CADM1: variants seen among roughly 807,000 people sequenced by gnomAD.
CADM1 encodes the protein cell adhesion molecule 1, also known as TSLC-1.
In CADM1, 15 loss-of-function variants were observed where a neutral mutation model predicts 53.1. That is an observed-to-expected ratio of 0.28 (90% CI 0.19 to 0.44). The LOEUF is 0.44. Ranked by LOEUF, CADM1 falls within the 20% of genes least tolerant of loss-of-function variation. The pLI, the probability that CADM1 is intolerant of heterozygous loss-of-function variation, is 1.00. For missense variants in CADM1, 434 were observed against 611.3 expected, an observed-to-expected ratio of 0.71 and a Z score of 3.06; for synonymous variants, 281 against 243.0, an observed-to-expected ratio of 1.16 and a Z score of -1.45.
intron 1 of CADM1, among the ~76,000 whole-genome samples, chr11:115,403,970 A>G (rs1485527451): frequency 6.6e-6 from 1 of 151,982 alleles, no homozygotes; most frequent in African/African-American, 2.4e-5. Context: ...AAAAAAAAAA[A>G]GTATTTTTTT....
At chr11:115,263,456 A>G (rs944548680) in intron 1 of CADM1, among the ~76,000 whole-genome samples, 2 of 152,240 alleles carry the variant, frequency 1.3e-5, no homozygotes, top group Admixed American at 1.3e-4. Context: ...TTTAGCATCC[A>G]CTAGTGGATC....
At chr11:115,378,918 C>T (rs1342381389) in intron 1 of CADM1, among the ~76,000 whole-genome samples, 1 of 152,156 alleles carries the variant, frequency 6.6e-6, no homozygotes. Context: ...ACCTAAATTC[C>T]TAACCTTTGA....
chr11:115,174,275 T>G lies in CADM1; in HGVS notation c.*2199A>C, dbSNP rs550202781. ...TGTGAGCAATGGTGTGATTTTTTTT[T>G]TTTGTTTTTGTTTTTGTTTTTCTTT... On this transcript the variant is annotated 3_prime_UTR_variant, in exon 12 of 12. Transcript: ENST00000331581. The G allele has an allele frequency of 3.7e-5, 36 of 965,322 alleles. No individual in the cohort carries two copies. In the South Asian group the frequency reaches 3.8e-4, roughly 10 times the overall value. The allele number at this position is 965,322 out of a possible 1,614,324, so 59.8% of individuals were successfully genotyped here. A position where few individuals can be genotyped will look rare whatever the true frequency, so the allele number is the denominator to read the frequency against.
chr11:115,178,618 C>T (rs1939154593), intron 11 of CADM1, 26 bp downstream of exon 11: 2 of 1,610,262 alleles, frequency 1.2e-6, no homozygotes, highest in Non-Finnish European at 1.7e-6. Context: ...GGACACGCTG[C>T]TTCTGTCTGC....
chr11:115,227,073 G>T (rs1042917025), intron 5 of CADM1, among the ~76,000 whole-genome samples: 5 of 152,098 alleles, frequency 3.3e-5, no homozygotes, highest in East Asian at 1.9e-4. Flanking sequence ...TGGAATAAAG[G>T]CTAAAATATT....
chr11:115,268,106 G>A (rs1288338359), intron 1 of CADM1, among the ~76,000 whole-genome samples: 2 of 152,156 alleles, frequency 1.3e-5, no homozygotes, highest in African/African-American at 4.8e-5. Flanking sequence ...AGTGTTGATG[G>A]GTTTGCATTG....
At chr11:115,355,707 A>AACAC (rs71066418) in intron 1 of CADM1, among the ~76,000 whole-genome samples, 2,195 of 150,920 alleles carry the variant, frequency 0.015, 61 homozygotes, top group Admixed American at 0.064. Flanking sequence ...TTAAATTACT[A>AACAC]ACACACACAC....
At chr11:115,182,718 C>T (rs936955330) in intron 10 of CADM1, among the ~76,000 whole-genome samples, 3 of 152,272 alleles carry the variant, frequency 2.0e-5, no homozygotes, top group East Asian at 3.9e-4. Flanking sequence ...GGCTTCAGGG[C>T]GGGCAGGCAG....
chr11:115,347,156 A>C (rs1176636156), intron 1 of CADM1, among the ~76,000 whole-genome samples: 8 of 152,166 alleles, frequency 5.3e-5, no homozygotes, highest in African/African-American at 1.9e-4. Flanking sequence ...CTTCTTTTGC[A>C]TCCTCAGGTC....
chr11:115,181,839 C>T (rs1485858514), intron 10 of CADM1, among the ~76,000 whole-genome samples: 3 of 152,164 alleles, frequency 2.0e-5, no homozygotes, highest in South Asian at 2.1e-4. Flanking sequence ...CCTGCACCTG[C>T]GGGCTGTGCC....
rs370131392 is a variant in CADM1 at position 115,217,853 on chromosome 11, G to A, written c.821+39C>T. ...ACATGTCTGTGTTGTGACATTTACT[G>A]CGCATGACCCTCTGCCAACTTTGGC... On this transcript the variant is annotated intron_variant, in intron 6 of 11. Coordinates refer to ENST00000331581, the MANE Select transcript of CADM1 (RefSeq NM_001301043.2). The A allele has an allele frequency of 5.6e-6, 7 of 1,259,180 alleles. No homozygotes were observed. The African/African-American group carries it at 8.8e-5, about 16-fold the overall frequency. The allele number at this position is 1,259,180 out of a possible 1,614,324, so 78.0% of individuals were successfully genotyped here.
intron 9 of CADM1, 60 bp from the exon 10 acceptor site, chr11:115,191,001 T>C (rs1939830585): frequency 7.3e-7 from 1 of 1,360,580 alleles, no homozygotes; most frequent in East Asian, 2.4e-5. Flanking sequence ...AACAAAACAC[T>C]TAAGAACTGA....
chr11:115,300,459 A>T (rs928256219), intron 1 of CADM1, among the ~76,000 whole-genome samples: 7 of 152,142 alleles, frequency 4.6e-5, no homozygotes, highest in Non-Finnish European at 7.4e-5. Context: ...GCATCAAAGA[A>T]TCCAAAATAC....
chr11:115,311,591 A>G (rs140679893), intron 1 of CADM1, among the ~76,000 whole-genome samples: 1 of 152,214 alleles, frequency 6.6e-6, no homozygotes, highest in African/African-American at 2.4e-5. Flanking sequence ...GTTCAAACAC[A>G]TGTTGTTCAA....
At chr11:115,223,970 A>AG (rs138764032) in intron 5 of CADM1, among the ~76,000 whole-genome samples, 15 of 59,284 alleles carry the variant, frequency 2.5e-4, no homozygotes, top group African/African-American at 5.8e-4. Context: ...AAAAAAAAAA[A>AG]AAAAGAGAGA....
chr11:115,495,992 T>C (rs188063597), intron 1 of CADM1, among the ~76,000 whole-genome samples: 30 of 152,322 alleles, frequency 2.0e-4, no homozygotes, highest in African/African-American at 6.7e-4. Flanking sequence ...AGGACTTCAC[T>C]TTTTGTCTGA....
intron 1 of CADM1, among the ~76,000 whole-genome samples, chr11:115,481,256 T>C (rs1949251768): frequency 6.6e-6 from 1 of 152,166 alleles, no homozygotes; most frequent in African/African-American, 2.4e-5. Context: ...AATTGTAAGG[T>C]AGAGGTCCCC....
intron 1 of CADM1, among the ~76,000 whole-genome samples, chr11:115,300,909 C>T (rs574037892): frequency 7.2e-5 from 11 of 152,126 alleles, no homozygotes; most frequent in Middle Eastern, 6.8e-3. Context: ...GCAAAAGTTC[C>T]GAGGAGAAGG....
chr11:115,449,483 C>T (rs556362243), intron 1 of CADM1, among the ~76,000 whole-genome samples: 114 of 152,240 alleles, frequency 7.5e-4, no homozygotes, highest in African/African-American at 2.6e-3. Flanking sequence ...ATCCATTTTG[C>T]ACTTAAGGTC....
Sources: gnomAD v4.1 joint callset for allele counts (sites outside exome capture counted in the v4.1 genomes callset) on GRCh38, gnomAD v4.1.1 for gene constraint, MANE v1.5 for transcripts, NCBI Gene and HGNC (gene_info 2026-07-23, HGNC 2026-07-21) for gene names.